Variants in SHISA9 observed in about 807,000 individuals in gnomAD.
SHISA9 encodes protein shisa-9.
Under a neutral mutation model 38.0 loss-of-function variants are expected in SHISA9, and 13 were observed. The ratio of observed to expected loss-of-function variants is 0.34; its 90% CI spans 0.22 to 0.54. SHISA9 has a LOEUF of 0.54. Ranked by LOEUF, SHISA9 falls within the 20% of genes least tolerant of loss-of-function variation. The probability of loss-of-function intolerance (pLI) is 0.91; values close to 1 mark genes in which losing one functional copy is unlikely to be tolerated. For synonymous variants in SHISA9, 275 were observed against 242.0 expected (o/e 1.14, Z -1.27); for missense variants, 538 against 575.8 (o/e 0.93, Z 0.67).
At chr16:13,265,794 C>A in the SHISA9 span, among the ~76,000 whole-genome samples, 2 of 143,568 alleles carry the variant, frequency 1.4e-5, no homozygotes, top group South Asian at 4.5e-4. Flanking sequence ...CCATCTCTTA[C>A]AAGGAAAAGA....
At chr16:13,357,806 G>C in the SHISA9 span, among the ~76,000 whole-genome samples, 2 of 151,340 alleles carry the variant, frequency 1.3e-5, no homozygotes, top group African/African-American at 4.9e-5. Flanking sequence ...CAGGAGTGGG[G>C]GTCGCAAGGT....
chr16:13,478,893 C>A, the SHISA9 span, among the ~76,000 whole-genome samples: 1 of 152,160 alleles, frequency 6.6e-6, no homozygotes, highest in Non-Finnish European at 1.5e-5. Context: ...ACCATTAGTG[C>A]ATCTGATGTT....
At chr16:13,313,051 C>CGA in the SHISA9 span, among the ~76,000 whole-genome samples, 3 of 151,092 alleles carry the variant, frequency 2.0e-5, no homozygotes, top group African/African-American at 7.3e-5. Context: ...GTCAGGAGTT[C>CGA]GAGACCATCC....
At chr16:13,409,237 A>G in the SHISA9 span, among the ~76,000 whole-genome samples, 1 of 152,140 alleles carries the variant, frequency 6.6e-6, no homozygotes, top group Non-Finnish European at 1.5e-5. Flanking sequence ...CCAGTTCCCC[A>G]TCCATTCCGC....
At chr16:13,260,007 C>CTTTCTTT in the SHISA9 span, among the ~76,000 whole-genome samples, 7 of 60,414 alleles carry the variant, frequency 1.2e-4, no homozygotes, top group Non-Finnish European at 1.2e-4. Context: ...TTCTTTCTTT[C>CTTTCTTT]TTTTTTTTTT....
chr16:12,971,209 C>G (rs569015714), intron 2 of SHISA9, among the ~76,000 whole-genome samples: 6 of 152,316 alleles, frequency 3.9e-5, no homozygotes, highest in African/African-American at 1.4e-4. Context: ...CACCTGCTGC[C>G]CTTATCCCCC....
At chr16:13,520,008 C>A in the SHISA9 span, among the ~76,000 whole-genome samples, 1 of 152,122 alleles carries the variant, frequency 6.6e-6, no homozygotes, top group Non-Finnish European at 1.5e-5. Context: ...TTGTCTCAGT[C>A]CATGGCACCT....
the SHISA9 span, among the ~76,000 whole-genome samples, chr16:13,435,566 C>A: frequency 6.6e-6 from 1 of 152,136 alleles, no homozygotes; most frequent in East Asian, 1.9e-4. Context: ...ACAAACTATC[C>A]CAACCCTTTG....
the SHISA9 span, among the ~76,000 whole-genome samples, chr16:13,437,458 G>A: frequency 0.17 from 25,165 of 152,022 alleles, 2,272 homozygotes; most frequent in East Asian, 0.25. Context: ...CCAATTTTAC[G>A]GATGAAAAAC....
the SHISA9 span, among the ~76,000 whole-genome samples, chr16:13,277,634 C>T: frequency 2.0e-5 from 3 of 151,524 alleles, no homozygotes; most frequent in South Asian, 6.3e-4. Flanking sequence ...GGTTTTCGGA[C>T]TCCTTGTTTA....
At chr16:12,987,829 A>G (rs866590999) in intron 2 of SHISA9, among the ~76,000 whole-genome samples, 4 of 152,352 alleles carry the variant, frequency 2.6e-5, no homozygotes, top group South Asian at 4.1e-4. Flanking sequence ...GATGCTAAAC[A>G]TTTTGTGTAA....
At chr16:13,026,719 T>C (rs1222494025) in intron 2 of SHISA9, among the ~76,000 whole-genome samples, 1 of 152,240 alleles carries the variant, frequency 6.6e-6, no homozygotes, top group Non-Finnish European at 1.5e-5. Flanking sequence ...AGCCCTACTT[T>C]TCCTACCTGT....
chr16:13,294,634 G>T, the SHISA9 span, among the ~76,000 whole-genome samples: 1 of 152,190 alleles, frequency 6.6e-6, no homozygotes. Flanking sequence ...GATATTTGCA[G>T]CTGTGAGATC....
chr16:13,205,741 G>A (rs916300481), intron 3 of SHISA9, among the ~76,000 whole-genome samples: 31 of 152,152 alleles, frequency 2.0e-4, no homozygotes, highest in African/African-American at 6.7e-4. Context: ...AGCATGCTCA[G>A]ATATCATAGG....
the SHISA9 span, among the ~76,000 whole-genome samples, chr16:13,309,642 C>CAAAAAA: frequency 1.5e-5 from 1 of 65,878 alleles, no homozygotes; most frequent in Non-Finnish European, 3.0e-5. Context: ...GACTCAGTCT[C>CAAAAAA]AAAAAAAAAA....
chr16:12,948,462 T>G (rs2071714207), intron 2 of SHISA9, among the ~76,000 whole-genome samples: 1 of 152,238 alleles, frequency 6.6e-6, no homozygotes, highest in African/African-American at 2.4e-5. Context: ...ATTTCTGTCT[T>G]TGTTTGAGCT....
At chr16:13,095,759 G>T (rs967692836) in intron 2 of SHISA9, among the ~76,000 whole-genome samples, 1 of 152,196 alleles carries the variant, frequency 6.6e-6, no homozygotes, top group Admixed American at 6.5e-5. Context: ...CAGGCACCTT[G>T]TGAATACTCG....
At chr16:13,365,679 G>A in the SHISA9 span, among the ~76,000 whole-genome samples, 2 of 151,892 alleles carry the variant, frequency 1.3e-5, no homozygotes, top group Admixed American at 6.6e-5. Flanking sequence ...GGCTGGTCTC[G>A]AACTCCTGAC....
the SHISA9 span, among the ~76,000 whole-genome samples, chr16:13,536,953 C>A: frequency 2.0e-5 from 3 of 152,182 alleles, no homozygotes; most frequent in East Asian, 1.9e-4. Context: ...CTACTAGTTT[C>A]TCTGGACTTT....
Sources: allele counts gnomAD v4.1 joint callset (sites outside exome capture counted in the v4.1 genomes callset), GRCh38; gene constraint gnomAD v4.1.1; transcripts MANE v1.5; gene names NCBI Gene and HGNC (gene_info 2026-07-23, HGNC 2026-07-21).